Variants in MAP4K4 observed in about 807,000 individuals in gnomAD.
The protein encoded by MAP4K4 is mitogen-activated protein kinase kinase kinase kinase 4, also known as HPK/GCK-like kinase HGK.
MAP4K4 carries 38 observed loss-of-function variants against 189.6 expected under a neutral mutation model. That is an observed-to-expected ratio of 0.20 (90% CI 0.15 to 0.26). The LOEUF is 0.26. Among genes scored for constraint, MAP4K4 ranks in the 10% least tolerant of loss-of-function variants. MAP4K4 has a pLI of 1.00. For synonymous variants in MAP4K4, 610 were observed against 624.3 expected, an observed-to-expected ratio of 0.98 and a Z score of 0.34; for missense variants, 1,054 against 1,726.9, an observed-to-expected ratio of 0.61 and a Z score of 6.91.
chr2:101,835,971 A>C, exon 9 of MAP4K4: 1 of 1,611,204 alleles, frequency 6.2e-7, no homozygotes, highest in Non-Finnish European at 8.5e-7. Context: ...GCTGAAGTCA[A>C]AAAAATGGTA....
At chr2:101,814,161 A>G (rs1037952810) in intron 3 of MAP4K4, among the ~76,000 whole-genome samples, 3 of 152,246 alleles carry the variant, frequency 2.0e-5, no homozygotes, top group African/African-American at 7.2e-5. Context: ...CTCCAGATAC[A>G]TGCTATCACA....
At chr2:101,717,424 C>T (rs191864481) in intron 2 of MAP4K4, among the ~76,000 whole-genome samples, 1 of 152,294 alleles carries the variant, frequency 6.6e-6, no homozygotes, top group African/African-American at 2.4e-5. Context: ...GTTCTTAGCA[C>T]CAATACAACA....
intron 25 of MAP4K4, 42 bp from the exon 26 acceptor site, chr2:101,874,040 T>A (rs540864731): frequency 6.6e-7 from 1 of 1,524,040 alleles, no homozygotes; most frequent in South Asian, 1.1e-5. Context: ...AGGCATAGTG[T>A]GTGTGTGTAC....
At chr2:101,698,403 C>G in intron 1 of MAP4K4, 70 bp from the exon 2 acceptor site, 2 of 1,380,724 alleles carry the variant, frequency 1.4e-6, no homozygotes, top group Admixed American at 1.7e-5. Flanking sequence ...TTCTCTCCAA[C>G]TGCCTTGCTT....
At chr2:101,829,187 T>C (rs1402282168) in intron 5 of MAP4K4, among the ~76,000 whole-genome samples, 1 of 152,174 alleles carries the variant, frequency 6.6e-6, no homozygotes, top group Non-Finnish European at 1.5e-5. Context: ...AACCACCCTG[T>C]ACACAAATAG....
chr2:101,712,819 A>G (rs183259294), intron 2 of MAP4K4, among the ~76,000 whole-genome samples: 144 of 150,646 alleles, frequency 9.6e-4, no homozygotes, highest in African/African-American at 3.4e-3. Context: ...GTTGAGGAAT[A>G]TCAAAGATCC....
chr2:101,809,976 A>G (rs549261792), intron 3 of MAP4K4, among the ~76,000 whole-genome samples: 1 of 152,376 alleles, frequency 6.6e-6, no homozygotes, highest in Non-Finnish European at 1.5e-5. Context: ...TAAAAGCCCA[A>G]CATGATTTTC....
intron 2 of MAP4K4, among the ~76,000 whole-genome samples, 159 bp from the exon 3 acceptor site, chr2:101,790,561 T>G (rs1408051661): frequency 6.6e-6 from 1 of 152,186 alleles, no homozygotes; most frequent in Non-Finnish European, 1.5e-5. Flanking sequence ...TAAACCATAT[T>G]GTTGTATTGG....
chr2:101,776,390 T>C (rs2084116544), intron 2 of MAP4K4, among the ~76,000 whole-genome samples: 1 of 152,108 alleles, frequency 6.6e-6, no homozygotes, highest in South Asian at 2.1e-4. Flanking sequence ...GCTGGAGAGC[T>C]CCTGCTGGTC....
chr2:101,885,650 C>T (rs985803339), intron 29 of MAP4K4, among the ~76,000 whole-genome samples: 4 of 152,058 alleles, frequency 2.6e-5, no homozygotes, highest in African/African-American at 7.2e-5. Context: ...CTGTGTCTAT[C>T]GGGCAGTTTT....
intron 21 of MAP4K4, among the ~76,000 whole-genome samples, chr2:101,868,995 TAA>T (rs2097902869): frequency 6.6e-6 from 1 of 152,280 alleles, no homozygotes; most frequent in African/African-American, 2.4e-5. Context: ...AAGCCTGATT[TAA>T]AGAGTTTTGG....
intron 21 of MAP4K4, among the ~76,000 whole-genome samples, 160 bp downstream of exon 21, chr2:101,868,197 A>G (rs1330853808): frequency 6.6e-6 from 1 of 152,230 alleles, no homozygotes; most frequent in Non-Finnish European, 1.5e-5. Flanking sequence ...TTCTTAACAT[A>G]ACATTTGCTG....
At chr2:101,831,323 G>A (rs1035777515) in intron 6 of MAP4K4, among the ~76,000 whole-genome samples, 1 of 152,080 alleles carries the variant, frequency 6.6e-6, no homozygotes, top group African/African-American at 2.4e-5. Flanking sequence ...GGTTATTAGT[G>A]CTGTTTAAGA....
At chr2:101,713,933 C>T (rs941458196) in intron 2 of MAP4K4, among the ~76,000 whole-genome samples, 1 of 152,072 alleles carries the variant, frequency 6.6e-6, no homozygotes, top group African/African-American at 2.4e-5. Flanking sequence ...CTGATCCTAC[C>T]AAAAATAACA....
intron 3 of MAP4K4, among the ~76,000 whole-genome samples, chr2:101,793,169 T>C (rs1480848776): frequency 6.6e-6 from 1 of 152,210 alleles, no homozygotes; most frequent in Non-Finnish European, 1.5e-5. Context: ...GCAAAACCCA[T>C]GTATTCAGGT....
At chr2:101,735,075 A>G (rs760198208) in intron 2 of MAP4K4, among the ~76,000 whole-genome samples, 1 of 152,230 alleles carries the variant, frequency 6.6e-6, no homozygotes, top group Non-Finnish European at 1.5e-5. Context: ...TTATTTGTCC[A>G]GCACGAAAGC....
intron 2 of MAP4K4, among the ~76,000 whole-genome samples, chr2:101,775,841 G>A (rs781269269): frequency 3.3e-5 from 5 of 152,202 alleles, no homozygotes; most frequent in Non-Finnish European, 5.9e-5. Flanking sequence ...AGTGAAGGGG[G>A]AACAGAGTCA....
At chr2:101,768,830 A>G (rs1016694384) in intron 2 of MAP4K4, among the ~76,000 whole-genome samples, 1 of 152,210 alleles carries the variant, frequency 6.6e-6, no homozygotes, top group African/African-American at 2.4e-5. Context: ...CTGCCTCTTC[A>G]TCTTTTAGCA....
intron 2 of MAP4K4, among the ~76,000 whole-genome samples, chr2:101,701,688 T>C (rs1437892555): frequency 6.6e-6 from 1 of 152,162 alleles, no homozygotes. Flanking sequence ...TTTTCACCCT[T>C]AGGTTTTTGA....
Sources: gnomAD v4.1 joint callset for allele counts (sites outside exome capture counted in the v4.1 genomes callset) on GRCh38, gnomAD v4.1.1 for gene constraint, MANE v1.5 for transcripts, NCBI Gene and HGNC (gene_info 2026-07-23, HGNC 2026-07-21) for gene names.